Variants in CACNA1G observed in about 807,000 individuals in gnomAD.
CACNA1G encodes the protein calcium voltage-gated channel subunit alpha1 G.
CACNA1G carries 67 observed loss-of-function variants against 219.4 expected under a neutral mutation model. The ratio of observed to expected loss-of-function variants is 0.31; its 90% CI spans 0.25 to 0.37. CACNA1G has a LOEUF of 0.37. Ranked by LOEUF, CACNA1G falls within the 10% of genes least tolerant of loss-of-function variation. The pLI, the probability that CACNA1G is intolerant of heterozygous loss-of-function variation, is 1.00. For missense variants in CACNA1G, 2,380 were observed against 3,231.4 expected (o/e 0.74, Z 6.39); for synonymous variants, 1,296 against 1,345.3 (o/e 0.96, Z 0.80).
At chr17:50,619,502 CT>C (rs906912399) in intron 33 of CACNA1G, among the ~76,000 whole-genome samples, 180 bp from the exon 34 acceptor site, 3 of 151,440 alleles carry the variant, frequency 2.0e-5, no homozygotes, top group Non-Finnish European at 2.9e-5. Flanking sequence ...ACCCCCTCCT[CT>C]TTTTCTCTTT....
Position 50,561,542 on chromosome 17 carries a change from C to T in CACNA1G, c.83C>T (p.Ala28Val). ...ATGCGGCTCAACGACCTGTCGGGGG[C>T]CGGGGGCCGGCCGGGGCCGGGGTCA... ...SFMRLNDLSG[A>V]GGRPGPGSAE... Residue 28 changes from alanine (A) to valine (V), a missense_variant, in exon 1 of 38, where the codon GCC (alanine) becomes GTC (valine). This residue lies in a region of CACNA1G where 98 missense variants were observed against 85.5 expected (regional missense o/e 1.15). Transcript: ENST00000359106. 1 of 1,538,690 alleles carries T rather than the reference C, an allele frequency of 6.5e-7. No homozygotes were observed. The highest frequency in any genetic ancestry group is 8.7e-7 in the Non-Finnish European group (1 of 1,146,414).
chr17:50,615,190 G>A (rs986295049), intron 26 of CACNA1G, among the ~76,000 whole-genome samples, 171 bp from the exon 27 acceptor site: 1 of 152,034 alleles, frequency 6.6e-6, no homozygotes, highest in Non-Finnish European at 1.5e-5. Context: ...AGGGGGACAC[G>A]CCCAGACGGC....
chr17:50,561,413 G>C lies in CACNA1G; in HGVS notation c.-47G>C, dbSNP rs1379065981. The C allele has an allele frequency of 1.4e-5, 21 of 1,532,680 alleles. No individual in the cohort carries two copies. The highest frequency in any genetic ancestry group is 2.5e-5 in the East Asian group (1 of 40,808). The allele number at this position is 1,532,680 out of a possible 1,614,324, so 94.9% of individuals were successfully genotyped here. On this transcript the variant is annotated 5_prime_UTR_variant, in exon 1 of 38. Transcript: ENST00000359106. ...CGTGAGGACACCTCCTCTGAGGGGCGCCGCTTGCCCCTCTCCGGATCGCCC... is the reference window on the plus strand; with the variant it reads ...CGTGAGGACACCTCCTCTGAGGGGCCCCGCTTGCCCCTCTCCGGATCGCCC...
rs1011828173 is a variant in CACNA1G at position 50,571,818 on chromosome 17, C to T, written c.587-60C>T. The T allele has an allele frequency of 4.5e-5, 71 of 1,577,502 alleles. No homozygotes were observed. Among genetic ancestry groups the T allele is most frequent in the African/African-American group, 6.7e-5 (5 of 74,268 alleles). On this transcript the variant is annotated intron_variant, in intron 4 of 37. Transcript: ENST00000359106. This position sits in a 1 kb window ranked among gnomAD's most constrained non-coding sequence, Gnocchi z 4.3. ...GGCCCCTCCGGGAGTGCTGCCGGGC[C>T]GTGGCAGTCAGCCTAGCCCGGCCAG...
chr17:50,619,586 T>C (rs1808281951), intron 33 of CACNA1G, 97 bp from the exon 34 acceptor site: 6 of 1,208,744 alleles, frequency 5.0e-6, no homozygotes, highest in Non-Finnish European at 5.8e-6. Context: ...TTCTCCTCTG[T>C]TTCTCTTGTC....
rs1401077814 is a variant in CACNA1G at position 50,626,044 on chromosome 17, G to A, written c.6427G>A (p.Val2143Ile). The stretch of plus-strand genomic sequence containing the variant: ...AGCAATAAGGACTGACTCCTTGGAC[G>A]TTCAGGGTCTGGGCAGCCGGGAAGA... ...QAAIRTDSLD[V>I]QGLGSREDLL... The change falls in exon 38 of 38, where the codon GTT becomes ATT. Residue 2143 changes from valine (V) to isoleucine (I), a missense_variant. Physicochemically the swap from Val to Ile is conservative, Grantham distance 29 (BLOSUM62 3). Around this residue, in one of 17 missense-constraint regions of CACNA1G, gnomAD observed 672 missense variants for 670.5 expected, o/e 1.00. Coordinates refer to ENST00000359106, the MANE Select transcript of CACNA1G (RefSeq NM_018896.5). The surrounding 1 kb of genome is among the most constrained non-coding windows in gnomAD (Gnocchi z 4.3). The A allele has an allele frequency of 1.1e-5, 18 of 1,612,338 alleles. No homozygotes were observed. The highest frequency in any genetic ancestry group is 1.4e-5 in the Non-Finnish European group (17 of 1,179,112).
At position 50,578,422 on chromosome 17, in the gene CACNA1G, C is replaced by G. The variant is rs375340959; in HGVS notation, c.2159C>G (p.Ala720Gly). 8 of 1,613,130 alleles carry G rather than the reference C, an allele frequency of 5.0e-6. No individual in the cohort carries two copies. In the African/African-American group the frequency reaches 9.3e-5, roughly 19 times the overall value. Residue 720 changes from alanine (A) to glycine (G), a missense_variant, in exon 9 of 38, where the codon GCA becomes GGA. By Grantham distance (60) the Ala-to-Gly change is moderately conservative. Around this residue, in one of 17 missense-constraint regions of CACNA1G, gnomAD observed 434 missense variants for 417.3 expected, o/e 1.04. Transcript: ENST00000359106. The surrounding 1 kb of genome is among the most constrained non-coding windows in gnomAD (Gnocchi z 4.5). Reference sequence around the variant, plus strand: ...CGGCAACGGAGCCTGGGCCCAGATGCAGAGCCCAGCTCTGTGCTGGCCTTC... The same window carrying G: ...CGGCAACGGAGCCTGGGCCCAGATGGAGAGCCCAGCTCTGTGCTGGCCTTC... ...SRRQRSLGPDAEPSSVLAFWR... is the reference protein window; with the variant it reads ...SRRQRSLGPDGEPSSVLAFWR...
chr17:50,624,690 C>A (rs926100725), intron 37 of CACNA1G, among the ~76,000 whole-genome samples, 161 bp downstream of exon 37: 1 of 152,262 alleles, frequency 6.6e-6, no homozygotes, highest in African/African-American at 2.4e-5. Context: ...CTGGGCAAAG[C>A]AGAAGTGGTC....
chr17:50,624,609 A>C, intron 37 of CACNA1G, 80 bp downstream of exon 37: 2 of 1,296,098 alleles, frequency 1.5e-6, no homozygotes. Flanking sequence ...TGACACTTTC[A>C]TTCTTCCAGC....
chr17:50,574,566 C>T (rs1463172290), intron 7 of CACNA1G, among the ~76,000 whole-genome samples: 1 of 152,064 alleles, frequency 6.6e-6, no homozygotes, highest in Admixed American at 6.5e-5. Flanking sequence ...ACCATGTGCC[C>T]CCCCCACCCC....
Position 50,626,406 on chromosome 17 carries a change from T to C in CACNA1G, c.6789T>C (p.Asp2263=). 6.2e-7 allele frequency: 1 copy of C among 1,611,080 alleles called. No homozygotes were observed. Among genetic ancestry groups the C allele is most frequent in the African/African-American group, 1.3e-5 (1 of 74,962 alleles). ...AGCGCCGGCCTACGTCCTGGCTGGA[T>C]GAGCAGAGGAGACACTCTATCGCCG... ...SCQRRPTSWL[D]EQRRHSIAVS... Residue 2263 remains aspartate (D), a synonymous_variant, in exon 38 of 38, where the codon GAT becomes GAC. Transcript: ENST00000359106. This position sits in a 1 kb window ranked among gnomAD's most constrained non-coding sequence, Gnocchi z 4.3.
intron 9 of CACNA1G, among the ~76,000 whole-genome samples, chr17:50,584,334 G>A (rs1005704873): frequency 6.6e-6 from 1 of 152,048 alleles, no homozygotes; most frequent in African/African-American, 2.4e-5. Flanking sequence ...GGGAAGAGAG[G>A]CGGTGAAATG....
chr17:50,601,018 C>G (rs749287630), intron 18 of CACNA1G, 33 bp from the exon 19 acceptor site: 6 of 1,607,724 alleles, frequency 3.7e-6, no homozygotes, highest in Non-Finnish European at 5.1e-6. Flanking sequence ...GCCCTGCCTC[C>G]CCCTCTCAGC....
chr17:50,618,268 C>A lies in CACNA1G; in HGVS notation c.5352C>A (p.Thr1784=). The A allele has an allele frequency of 5.0e-6, 8 of 1,613,896 alleles. No individual in the cohort carries two copies. The highest frequency in any genetic ancestry group is 1.3e-5 in the African/African-American group (1 of 75,032). Residue 1784 remains threonine (T), a synonymous_variant, in exon 32 of 38, where the codon ACC becomes ACA. Transcript: ENST00000359106. The surrounding 1 kb of genome is among the most constrained non-coding windows in gnomAD (Gnocchi z 5.3). ...HPCEGLGRHA[T]FRNFGMAFLT... is the part of the protein sequence containing the mutation. Reference sequence around the variant, plus strand: ...GTGAGGGCCTGGGCCGTCATGCCACCTTTCGGAACTTTGGCATGGCCTTCC... The same window carrying A: ...GTGAGGGCCTGGGCCGTCATGCCACATTTCGGAACTTTGGCATGGCCTTCC...
chr17:50,570,964 G>C (rs565764910), intron 4 of CACNA1G, among the ~76,000 whole-genome samples: 6 of 152,330 alleles, frequency 3.9e-5, no homozygotes, highest in African/African-American at 1.2e-4. Flanking sequence ...TGGCACTTTG[G>C]GGGTGAAGCC....
At chr17:50,606,867 C>A in intron 23 of CACNA1G, 33 bp from the exon 24 acceptor site, 1 of 1,530,186 alleles carries the variant, frequency 6.5e-7, no homozygotes, top group Non-Finnish European at 9.0e-7. Context: ...ACATCCTAGA[C>A]TTCAAATGTC....
intron 26 of CACNA1G, among the ~76,000 whole-genome samples, chr17:50,613,916 C>A (rs898329806): frequency 1.3e-5 from 2 of 151,882 alleles, no homozygotes; most frequent in Non-Finnish European, 2.9e-5. Context: ...ACTCTTGGGG[C>A]TCTGTTCTCG....
intron 1 of CACNA1G, among the ~76,000 whole-genome samples, chr17:50,562,838 G>T (rs2036279230): frequency 6.6e-6 from 1 of 152,220 alleles, no homozygotes; most frequent in African/African-American, 2.4e-5. Flanking sequence ...GCCCAGGCTG[G>T]AGTGGTAGGG....
intron 9 of CACNA1G, among the ~76,000 whole-genome samples, chr17:50,583,246 G>A (rs2042320983): frequency 6.6e-6 from 1 of 152,160 alleles, no homozygotes; most frequent in African/African-American, 2.4e-5. Context: ...TTTGGGGGAT[G>A]ATCCTTTGCA....
Sources: gnomAD v4.1 joint callset for allele counts (sites outside exome capture counted in the v4.1 genomes callset) on GRCh38, gnomAD v4.1.1 for gene constraint, gnomAD v4.1.1 regional missense constraint, Gnocchi (gnomAD v3.1) non-coding constraint, MANE v1.5 for transcripts, NCBI Gene and HGNC (gene_info 2026-07-23, HGNC 2026-07-21) for gene names.